PRICKLE2: variants seen among roughly 807,000 people sequenced by gnomAD.
PRICKLE2 encodes prickle-like protein 2.
In PRICKLE2, 21 loss-of-function variants were observed where a neutral mutation model predicts 81.4. That is an observed-to-expected ratio of 0.26 (90% CI 0.18 to 0.37). PRICKLE2 has a LOEUF of 0.37. PRICKLE2 is among the 10% of genes least tolerant of loss of function. PRICKLE2 has a pLI of 1.00. For missense variants in PRICKLE2, 940 were observed against 1,109.0 expected (o/e 0.85, Z 2.16); for synonymous variants, 456 against 421.5 (o/e 1.08, Z -1.00).
intron 2 of PRICKLE2, among the ~76,000 whole-genome samples, chr3:64,266,194 C>T (rs938967426): frequency 9.8e-5 from 10 of 101,964 alleles, no homozygotes; most frequent in East Asian, 8.2e-4. Context: ...AAGCCTCCAC[C>T]GCAAAAGAAA....
chr3:64,118,517 C>T (rs2076975110), intron 7 of PRICKLE2, among the ~76,000 whole-genome samples: 1 of 151,968 alleles, frequency 6.6e-6, no homozygotes, highest in Non-Finnish European at 1.5e-5. Context: ...ACCAAACCAC[C>T]CCATTAAAAA....
chr3:64,224,493 A>T (rs768168984), intron 1 of PRICKLE2, among the ~76,000 whole-genome samples: 2 of 152,198 alleles, frequency 1.3e-5, no homozygotes, highest in Non-Finnish European at 2.9e-5. Context: ...TTTACCTGGA[A>T]GTCTCAGCTG....
chr3:64,146,782 C>T (rs2077461813), intron 7 of PRICKLE2, 48 bp downstream of exon 7: 2 of 1,609,590 alleles, frequency 1.2e-6, no homozygotes, highest in Non-Finnish European at 1.7e-6. Flanking sequence ...ATCCAGTCAC[C>T]CAGAGACTAC....
intron 2 of PRICKLE2, among the ~76,000 whole-genome samples, chr3:64,173,996 G>T: frequency 6.6e-6 from 1 of 152,098 alleles, no homozygotes; most frequent in East Asian, 1.9e-4. Flanking sequence ...GAGGATGTGA[G>T]TTAAACATAG....
intron 2 of PRICKLE2, among the ~76,000 whole-genome samples, chr3:64,178,280 T>A (rs1460039909): frequency 6.6e-6 from 1 of 152,222 alleles, no homozygotes; most frequent in Non-Finnish European, 1.5e-5. Context: ...ATTCTGTATC[T>A]TAAACCCTTA....
At chr3:64,179,146 G>A (rs866388557) in intron 2 of PRICKLE2, among the ~76,000 whole-genome samples, 3 of 150,878 alleles carry the variant, frequency 2.0e-5, no homozygotes, top group East Asian at 2.0e-4. Context: ...GCACGATCTC[G>A]GCTCACCACA....
At position 64,225,181 on chromosome 3, in the gene PRICKLE2, A is replaced by G. The variant is rs1024631365; in HGVS notation, c.-312T>C. Reference sequence around the variant, plus strand: ...TGCTGGGGAATTCACCAAGCAAGAGAAAAAAAGTATGACTTCTACTCTTCC... The same window carrying G: ...TGCTGGGGAATTCACCAAGCAAGAGGAAAAAAGTATGACTTCTACTCTTCC... On this transcript the variant is annotated 5_prime_UTR_variant, in exon 1 of 8. Coordinates refer to ENST00000638394, the MANE Select transcript of PRICKLE2 (RefSeq NM_198859.4). 2.0e-6 allele frequency: 2 copies of G among 985,332 alleles called. No homozygotes were observed. The highest frequency in any genetic ancestry group is 6.1e-5 in the Admixed American group (1 of 16,282). The allele number at this position is 985,332 out of a possible 1,614,324, so 61.0% of individuals were successfully genotyped here.
In PRICKLE2 at chr3:64,094,541, G is replaced by C. The variant is rs2076543889; in HGVS notation, c.*4510C>G. On this transcript the variant is annotated 3_prime_UTR_variant, in exon 8 of 8. Coordinates refer to ENST00000638394, the MANE Select transcript of PRICKLE2 (RefSeq NM_198859.4). ...CTTTATATTTCCTTGAGGAAAGCTA[G>C]TTTTGTCAGCAGGAAGTAAGCTTAT... is the stretch of plus-strand genomic sequence containing the variant. 6.6e-6 allele frequency: 1 copy of C among 152,224 alleles called. No homozygotes were observed. Among genetic ancestry groups the C allele is most frequent in the Non-Finnish European group, 1.5e-5 (1 of 68,030 alleles). The allele number at this position is 152,224 out of a possible 1,614,324, so 9.4% of individuals were successfully genotyped here.
chr3:64,178,163 A>G (rs1413508323), intron 2 of PRICKLE2, among the ~76,000 whole-genome samples: 1 of 152,242 alleles, frequency 6.6e-6, no homozygotes, highest in African/African-American at 2.4e-5. Flanking sequence ...GATGTTGGAC[A>G]TCTTTTCATG....
At chr3:64,196,847 C>T (rs1356988381) in intron 2 of PRICKLE2, among the ~76,000 whole-genome samples, 1 of 152,196 alleles carries the variant, frequency 6.6e-6, no homozygotes, top group Non-Finnish European at 1.5e-5. Flanking sequence ...GAATGGCCAT[C>T]ACTCAACTCC....
chr3:64,226,270 G>A (rs1334553409), upstream of PRICKLE2, among the ~76,000 whole-genome samples: 6 of 152,178 alleles, frequency 3.9e-5, no homozygotes, highest in Admixed American at 3.9e-4. Context: ...TAGAGCTTTT[G>A]TTGAATACCT....
At chr3:64,150,968 C>CT (rs201461186) in intron 6 of PRICKLE2, among the ~76,000 whole-genome samples, 3,360 of 152,270 alleles carry the variant, frequency 0.022, 60 homozygotes, top group East Asian at 0.089. Context: ...TCTAAGCGTT[C>CT]TTTTTTTATT....
At chr3:64,173,713 T>C (rs558573730) in intron 2 of PRICKLE2, among the ~76,000 whole-genome samples, 5 of 152,156 alleles carry the variant, frequency 3.3e-5, no homozygotes, top group Non-Finnish European at 7.3e-5. Flanking sequence ...AAGAGTACGA[T>C]GACAACTGAT....
chr3:64,265,275 T>G (rs1160017824), intron 2 of PRICKLE2, among the ~76,000 whole-genome samples: 1 of 152,150 alleles, frequency 6.6e-6, no homozygotes, highest in Non-Finnish European at 1.5e-5. Flanking sequence ...TCAAAGAAAC[T>G]TTTTTGGAAC....
At chr3:64,254,277 G>C (rs1183557427) in intron 2 of PRICKLE2, among the ~76,000 whole-genome samples, 1 of 152,138 alleles carries the variant, frequency 6.6e-6, no homozygotes, top group African/African-American at 2.4e-5. Flanking sequence ...CACACAGCCA[G>C]GTTTAGATAA....
At chr3:64,130,813 A>C (rs2077186218) in intron 7 of PRICKLE2, among the ~76,000 whole-genome samples, 1 of 152,186 alleles carries the variant, frequency 6.6e-6, no homozygotes, top group Admixed American at 6.5e-5. Context: ...GGTGGGGTCC[A>C]GGTATCAGTA....
intron 5 of PRICKLE2, 136 bp downstream of exon 5, chr3:64,157,026 C>T (rs2107034165): frequency 1.2e-6 from 1 of 818,238 alleles, no homozygotes; most frequent in South Asian, 1.4e-5. Flanking sequence ...GGTGGGGCTT[C>T]TCTCCCAAAA....
intron 2 of PRICKLE2, among the ~76,000 whole-genome samples, chr3:64,175,906 G>C (rs185989616): frequency 1.3e-5 from 2 of 152,240 alleles, no homozygotes; most frequent in Admixed American, 1.3e-4. Flanking sequence ...TAGTAATCAT[G>C]ACCCGAGAAT....
chr3:64,121,411 T>G (rs1426496893), intron 7 of PRICKLE2, among the ~76,000 whole-genome samples: 3 of 152,120 alleles, frequency 2.0e-5, no homozygotes, highest in Non-Finnish European at 4.4e-5. Context: ...CCCTGACTCA[T>G]AAACATGTTT....
Sources: allele counts gnomAD v4.1 joint callset (sites outside exome capture counted in the v4.1 genomes callset), GRCh38; gene constraint gnomAD v4.1.1; transcripts MANE v1.5; gene names NCBI Gene and HGNC (gene_info 2026-07-23, HGNC 2026-07-21).